Variants in NRCAM observed in about 807,000 individuals in gnomAD.
The protein encoded by NRCAM is NgCAM-related cell adhesion molecule.
In NRCAM, 83 loss-of-function variants were observed where a neutral mutation model predicts 156.5. The ratio of observed to expected loss-of-function variants is 0.53; its 90% CI spans 0.44 to 0.64. NRCAM has a LOEUF of 0.64. NRCAM is among the 30% of genes least tolerant of loss of function. The pLI, the probability that NRCAM is intolerant of heterozygous loss-of-function variation, is 0.00. For synonymous variants in NRCAM, 538 were observed against 563.9 expected (o/e 0.95, Z 0.65); for missense variants, 1,417 against 1,597.3 (o/e 0.89, Z 1.92).
At chr7:108,244,401 T>C (rs2095764500) in intron 3 of NRCAM, among the ~76,000 whole-genome samples, 1 of 152,182 alleles carries the variant, frequency 6.6e-6, no homozygotes, top group Non-Finnish European at 1.5e-5. Context: ...TGAAAGACAT[T>C]TTTCAGCAGT....
intron 30 of NRCAM, among the ~76,000 whole-genome samples, chr7:108,164,925 T>C (rs2052846264): frequency 6.6e-6 from 1 of 152,206 alleles, no homozygotes; most frequent in African/African-American, 2.4e-5. Flanking sequence ...GGCATTACAC[T>C]GCTGAGTGAA....
intron 2 of NRCAM, among the ~76,000 whole-genome samples, chr7:108,387,409 G>T (rs2099744020): frequency 6.6e-6 from 1 of 152,054 alleles, no homozygotes; most frequent in Non-Finnish European, 1.5e-5. Flanking sequence ...ACTATTTATG[G>T]ATTACTTATA....
intron 3 of NRCAM, among the ~76,000 whole-genome samples, chr7:108,287,657 T>C (rs76049638): frequency 1.1e-4 from 5 of 46,110 alleles, no homozygotes; most frequent in East Asian, 4.5e-4. Context: ...CAATAACACA[T>C]GAGATACCAT....
chr7:108,452,535 C>T (rs548705406), intron 1 of NRCAM, among the ~76,000 whole-genome samples: 8 of 152,234 alleles, frequency 5.3e-5, no homozygotes, highest in South Asian at 2.1e-4. Flanking sequence ...CCTTAGCATC[C>T]AGTTCTCTCC....
intron 2 of NRCAM, among the ~76,000 whole-genome samples, chr7:108,338,636 GAC>G (rs892642594): frequency 1.3e-5 from 2 of 151,392 alleles, no homozygotes; most frequent in Admixed American, 6.6e-5. Context: ...AGAGGGGAGA[GAC>G]ACAGAGAGGA....
chr7:108,207,681 G>C (rs1246621166), intron 12 of NRCAM, 22 bp from the exon 13 acceptor site: 1 of 1,577,124 alleles, frequency 6.3e-7, no homozygotes, highest in Admixed American at 1.9e-5. Context: ...GAAGAAAAAA[G>C]ACCAAAAATC....
At chr7:108,354,638 T>TA (rs2099468108) in intron 2 of NRCAM, among the ~76,000 whole-genome samples, 1 of 152,212 alleles carries the variant, frequency 6.6e-6, no homozygotes, top group Non-Finnish European at 1.5e-5. Context: ...CTCATGCCTG[T>TA]AATCCCAGCA....
chr7:108,195,799 G>A lies in NRCAM; in HGVS notation c.1425C>T (p.Asp475=). The change falls in exon 15 of 33, where the codon GAC becomes GAT. Residue 475 remains aspartate (D), a synonymous_variant. Coordinates refer to ENST00000379028, the MANE Select transcript of NRCAM (RefSeq NM_001037132.4). ...QVIANRPALL[D]CAFFGSPLPT... ...GGAGAGGAGACCCAAAGAAGGCACA[G>A]TCTAGTAAAGCAGGCCTGTTTGCAA... 6.2e-7 allele frequency: 1 copy of A among 1,613,262 alleles called. No homozygotes were observed. The highest frequency in any genetic ancestry group is 8.5e-7 in the Non-Finnish European group (1 of 1,179,364).
At chr7:108,340,138 C>T (rs983646951) in intron 2 of NRCAM, among the ~76,000 whole-genome samples, 2 of 152,194 alleles carry the variant, frequency 1.3e-5, no homozygotes, top group African/African-American at 2.4e-5. Context: ...CTCCCTACCC[C>T]GGCATCCCCC....
chr7:108,165,727 T>C (rs889710551), intron 30 of NRCAM, among the ~76,000 whole-genome samples: 1 of 151,882 alleles, frequency 6.6e-6, no homozygotes, highest in Non-Finnish European at 1.5e-5. Flanking sequence ...TACATTATTG[T>C]TGTTTCTTTT....
intron 2 of NRCAM, among the ~76,000 whole-genome samples, chr7:108,325,376 C>T (rs35456428): frequency 0.31 from 46,706 of 151,924 alleles, 7,382 homozygotes; most frequent in African/African-American, 0.37. Context: ...TGAATTACCT[C>T]TCTTTCCTTC....
intron 12 of NRCAM, among the ~76,000 whole-genome samples, chr7:108,208,107 G>A (rs149282736): frequency 0.041 from 6,111 of 147,860 alleles, 376 homozygotes; most frequent in African/African-American, 0.14. Flanking sequence ...CAGCCTGGCC[G>A]ACATGGTAAA....
At chr7:108,185,638 G>C (rs1389991858) in intron 20 of NRCAM, among the ~76,000 whole-genome samples, 1 of 150,402 alleles carries the variant, frequency 6.6e-6, no homozygotes, top group Non-Finnish European at 1.5e-5. Flanking sequence ...AGGATCACCT[G>C]AGCCCAGAAA....
chr7:108,156,581 C>T (rs2045625673), intron 32 of NRCAM: 1 of 168,160 alleles, frequency 5.9e-6, no homozygotes, highest in Non-Finnish European at 1.2e-5. Context: ...AGGTTCTATC[C>T]CTCTTTGCAC....
chr7:108,293,164 A>G (rs916512306), intron 3 of NRCAM, among the ~76,000 whole-genome samples: 1 of 152,154 alleles, frequency 6.6e-6, no homozygotes, highest in Non-Finnish European at 1.5e-5. Context: ...CTTGTGATTA[A>G]TTAACAGCCT....
intron 3 of NRCAM, among the ~76,000 whole-genome samples, chr7:108,252,265 G>A (rs530209397): frequency 1.4e-4 from 21 of 152,196 alleles, no homozygotes; most frequent in Non-Finnish European, 2.5e-4. Context: ...AGGCAAAGTT[G>A]GGTGGTTTCT....
At chr7:108,176,103 T>C (rs546489580) in intron 27 of NRCAM, among the ~76,000 whole-genome samples, 11 of 152,296 alleles carry the variant, frequency 7.2e-5, no homozygotes. Flanking sequence ...TATGTATGTT[T>C]GTGCATGAAT....
At chr7:108,337,281 C>A (rs558088370) in intron 2 of NRCAM, among the ~76,000 whole-genome samples, 1,523 of 148,248 alleles carry the variant, frequency 0.01, 26 homozygotes, top group African/African-American at 0.034. Flanking sequence ...AAAAAAAAAA[C>A]CACGGCTACC....
At chr7:108,368,226 C>CA (rs1238909520) in intron 2 of NRCAM, among the ~76,000 whole-genome samples, 5 of 92,302 alleles carry the variant, frequency 5.4e-5, no homozygotes, top group Non-Finnish European at 8.7e-5. Flanking sequence ...ACTTTCATAC[C>CA]CCCCCCCACC....
Sources: gnomAD v4.1 joint callset for allele counts (sites outside exome capture counted in the v4.1 genomes callset) on GRCh38, gnomAD v4.1.1 for gene constraint, MANE v1.5 for transcripts, NCBI Gene and HGNC (gene_info 2026-07-23, HGNC 2026-07-21) for gene names.